Variants in DOCK1 observed in about 807,000 individuals in gnomAD.
DOCK1 encodes dedicator of cytokinesis protein 1.
In DOCK1, 138 loss-of-function variants were observed where a neutral mutation model predicts 262.7. The observed-to-expected ratio is 0.53, with a 90% CI of 0.46 to 0.61. The LOEUF (loss-of-function observed/expected upper bound fraction) is 0.61, where lower values mean the gene tolerates loss of function less well. Among genes scored for constraint, DOCK1 ranks in the 20% least tolerant of loss-of-function variants. DOCK1 has a pLI of 0.00. For synonymous variants in DOCK1, 866 were observed against 867.4 expected (o/e 1.00, Z 0.03); for missense variants, 1,908 against 2,370.7 (o/e 0.80, Z 4.05).
At chr10:127,129,737 C>T (rs1429576116) in intron 27 of DOCK1, among the ~76,000 whole-genome samples, 1 of 152,160 alleles carries the variant, frequency 6.6e-6, no homozygotes, top group Non-Finnish European at 1.5e-5. Context: ...TGAACTTGAA[C>T]CAAGTGTGGT....
chr10:127,108,212 A>C (rs2048653207), intron 24 of DOCK1, among the ~76,000 whole-genome samples: 2 of 152,218 alleles, frequency 1.3e-5, no homozygotes, highest in South Asian at 4.1e-4. Flanking sequence ...GAAGAGGGTA[A>C]CTCAAACTTA....
rs142992122 is a variant in DOCK1, at chr10:127,162,079, C to T, written c.2847+34315C>T. Reference sequence around the variant, plus strand: ...CTCATGGGTTTCGAGAACGTTAATGCGATTTGATATTGTCTGATTGGTTTC... The same window carrying T: ...CTCATGGGTTTCGAGAACGTTAATGTGATTTGATATTGTCTGATTGGTTTC... On this transcript the variant is annotated intron_variant, in intron 27 of 51. Transcript: ENST00000623213. Among the ~76,000 whole-genome samples the T allele has an allele frequency of 6.3e-3, 958 of 152,246 alleles. 5 individuals are homozygous for T. Among genetic ancestry groups the T allele is most frequent in the Middle Eastern group, 0.014 (4 of 294 alleles).
chr10:127,409,507 A>G (rs1359185693), intron 42 of DOCK1, 116 bp downstream of exon 42: 2 of 1,094,400 alleles, frequency 1.8e-6, no homozygotes, highest in African/African-American at 1.5e-5. Flanking sequence ...CGCTTTCCAA[A>G]TGCTCTTTCT....
At chr10:127,384,503 G>A (rs574090046) in intron 37 of DOCK1, among the ~76,000 whole-genome samples, 3 of 152,294 alleles carry the variant, frequency 2.0e-5, no homozygotes, top group African/African-American at 4.8e-5. Context: ...GATTTGTCCC[G>A]GAATGTTAGG....
intron 38 of DOCK1, among the ~76,000 whole-genome samples, chr10:127,400,519 A>G (rs1484316174): frequency 6.6e-6 from 1 of 152,228 alleles, no homozygotes; most frequent in East Asian, 1.9e-4. Flanking sequence ...GGACTTTCAA[A>G]AAGGCCACGC....
chr10:127,106,640 T>C (rs897635960), intron 24 of DOCK1, among the ~76,000 whole-genome samples: 6 of 152,164 alleles, frequency 3.9e-5, no homozygotes, highest in Non-Finnish European at 8.8e-5. Flanking sequence ...CTAAAAATCC[T>C]GACATAGGAG....
At chr10:127,286,675 C>A (rs185072915) in intron 29 of DOCK1, among the ~76,000 whole-genome samples, 1 of 152,202 alleles carries the variant, frequency 6.6e-6, no homozygotes, top group African/African-American at 2.4e-5. Flanking sequence ...TTTCAGTTGT[C>A]ATTCAAAAAT....
At chr10:127,212,660 GT>G (rs999440781) in intron 27 of DOCK1, among the ~76,000 whole-genome samples, 13 of 147,678 alleles carry the variant, frequency 8.8e-5, no homozygotes, top group South Asian at 4.3e-4. Flanking sequence ...TAGGAGTGTT[GT>G]TTTTTTTTTC....
At chr10:127,244,290 A>G (rs1475111551) in intron 27 of DOCK1, among the ~76,000 whole-genome samples, 2 of 152,160 alleles carry the variant, frequency 1.3e-5, no homozygotes, top group African/African-American at 4.8e-5. Flanking sequence ...CAACCCTACA[A>G]AATATCATAT....
At chr10:127,297,884 C>T (rs1428825128) in intron 29 of DOCK1, among the ~76,000 whole-genome samples, 1 of 152,056 alleles carries the variant, frequency 6.6e-6, no homozygotes, top group African/African-American at 2.4e-5. Context: ...CCCGATTTCA[C>T]CACCCATTAC....
intron 21 of DOCK1, among the ~76,000 whole-genome samples, chr10:127,050,849 A>G (rs1004914672): frequency 6.6e-6 from 1 of 152,230 alleles, no homozygotes; most frequent in African/African-American, 2.4e-5. Flanking sequence ...ATTTTAAAAA[A>G]TTAAGCTTCT....
intron 43 of DOCK1, among the ~76,000 whole-genome samples, chr10:127,412,462 G>C (rs549018328): frequency 6.6e-6 from 1 of 152,226 alleles, no homozygotes; most frequent in Non-Finnish European, 1.5e-5. Context: ...TATCCGTCTT[G>C]CCTGGGAAAC....
intron 38 of DOCK1, 42 bp from the exon 39 acceptor site, chr10:127,403,013 C>T: frequency 6.5e-7 from 1 of 1,546,840 alleles, no homozygotes. Flanking sequence ...TTGCACAATT[C>T]AGGCCTCGGC....
At chr10:127,248,161 T>G (rs2059496156) in intron 28 of DOCK1, 52 bp downstream of exon 28, 1 of 1,470,598 alleles carries the variant, frequency 6.8e-7, no homozygotes, top group Non-Finnish European at 9.5e-7. Context: ...GGCCAGCACT[T>G]TAGACAAAAG....
At chr10:127,028,364 G>A (rs1313012673) in intron 16 of DOCK1, among the ~76,000 whole-genome samples, 2 of 152,264 alleles carry the variant, frequency 1.3e-5, no homozygotes, top group Non-Finnish European at 1.5e-5. Flanking sequence ...GTTGGCCATC[G>A]TTCACTATGC....
intron 19 of DOCK1, among the ~76,000 whole-genome samples, chr10:127,041,123 C>T (rs896836848): frequency 6.6e-6 from 1 of 152,076 alleles, no homozygotes; most frequent in African/African-American, 2.4e-5. Context: ...AAGTTGTGCT[C>T]TTGTTGGCCA....
chr10:127,181,976 G>T (rs1404011777), intron 27 of DOCK1, among the ~76,000 whole-genome samples: 2 of 152,100 alleles, frequency 1.3e-5, no homozygotes, highest in Non-Finnish European at 2.9e-5. Flanking sequence ...CCCTACATTT[G>T]TTGTTTTCAG....
intron 28 of DOCK1, among the ~76,000 whole-genome samples, chr10:127,251,413 T>G (rs35662754): frequency 0.73 from 110,656 of 150,996 alleles, 40,983 homozygotes; most frequent in South Asian, 0.81. Context: ...TAAGTTTTAG[T>G]GTACATGTGC....
chr10:127,359,647 G>A (rs1590675747), intron 32 of DOCK1, among the ~76,000 whole-genome samples: 1 of 152,218 alleles, frequency 6.6e-6, no homozygotes, highest in Non-Finnish European at 1.5e-5. Context: ...CACAATGATA[G>A]CCTTAGTCAA....
Sources: gnomAD v4.1 joint callset for allele counts (sites outside exome capture counted in the v4.1 genomes callset) on GRCh38, gnomAD v4.1.1 for gene constraint, MANE v1.5 for transcripts, NCBI Gene and HGNC (gene_info 2026-07-23, HGNC 2026-07-21) for gene names.